Variants in LACTB2 observed in about 807,000 individuals in gnomAD.
LACTB2 encodes the protein endoribonuclease LACTB2.
LACTB2 carries 32 observed loss-of-function variants against 34.8 expected under a neutral mutation model. The observed-to-expected ratio is 0.92, with a 90% CI of 0.69 to 1.24. The LOEUF is 1.24. LACTB2 is among the 50% of genes most tolerant of loss of function. LACTB2 has a pLI of 0.00. For synonymous variants in LACTB2, 120 were observed against 117.5 expected, an observed-to-expected ratio of 1.02 and a Z score of -0.14; for missense variants, 320 against 345.0, an observed-to-expected ratio of 0.93 and a Z score of 0.57.
intron 4 of LACTB2, among the ~76,000 whole-genome samples, chr8:70,641,498 T>G (rs1020351747): frequency 2.6e-5 from 4 of 152,160 alleles, no homozygotes; most frequent in African/African-American, 9.7e-5. Context: ...GGGTAAATAA[T>G]CCGTCCACAG....
intron 2 of LACTB2, among the ~76,000 whole-genome samples, chr8:70,659,629 T>C (rs1001617656): frequency 6.6e-6 from 1 of 152,244 alleles, no homozygotes; most frequent in South Asian, 2.1e-4. Flanking sequence ...GTTTTGTTTA[T>C]AAGCTGTATA....
intron 1 of LACTB2, among the ~76,000 whole-genome samples, chr8:70,667,250 A>G (rs909770095): frequency 6.6e-6 from 1 of 152,200 alleles, no homozygotes; most frequent in Non-Finnish European, 1.5e-5. Context: ...TTCAAGGAAG[A>G]TGAGAACAGA....
In LACTB2 at chr8:70,661,762, T is replaced by C. The variant is rs1818483297; in HGVS notation, c.258A>G (p.Ile86Met). 2 of 1,612,596 alleles carry C rather than the reference T, an allele frequency of 1.2e-6. No homozygotes were observed. Among genetic ancestry groups the C allele is most frequent in the Non-Finnish European group, 1.7e-6 (2 of 1,179,714 alleles). The change falls in exon 2 of 7, where the codon ATA (isoleucine) becomes ATG (methionine). Residue 86 changes from isoleucine to methionine, a missense_variant. Physicochemically the swap from Ile to Met is conservative, Grantham distance 10. Transcript: ENST00000276590. ...TATTGATGCTTTTACAAATATCTCC[T>C]ATGCCTCCAGAATGATCTCGGTGCC... is the stretch of plus-strand genomic sequence containing the variant. ...THWHRDHSGG[I>M]GDICKSINND...
intron 3 of LACTB2, among the ~76,000 whole-genome samples, chr8:70,650,995 T>TA (rs1468192773): frequency 6.6e-6 from 1 of 151,982 alleles, no homozygotes; most frequent in Non-Finnish European, 1.5e-5. Context: ...TTCATCTCCC[T>TA]AGACAGTGAA....
At chr8:70,667,796 A>G (rs1818552268) in intron 1 of LACTB2, among the ~76,000 whole-genome samples, 1 of 152,198 alleles carries the variant, frequency 6.6e-6, no homozygotes, top group Non-Finnish European at 1.5e-5. Flanking sequence ...CAATACACTG[A>G]TCTCCAACAT....
At chr8:70,655,605 G>A (rs1457854847) in intron 3 of LACTB2, among the ~76,000 whole-genome samples, 1 of 152,156 alleles carries the variant, frequency 6.6e-6, no homozygotes, top group Admixed American at 6.5e-5. Flanking sequence ...TTGATGGATG[G>A]GCATTTGAGT....
intron 5 of LACTB2, among the ~76,000 whole-genome samples, chr8:70,639,380 G>A (rs1038767925): frequency 1.3e-5 from 2 of 150,222 alleles, no homozygotes; most frequent in Non-Finnish European, 3.0e-5. Flanking sequence ...GACTGGTCTC[G>A]AACTCCTGAC....
rs777193899 is a variant in LACTB2 at position 70,668,951 on chromosome 8, C to T, written c.122+48G>A. On this transcript the variant is annotated intron_variant, in intron 1 of 6. Coordinates refer to ENST00000276590, the MANE Select transcript of LACTB2 (RefSeq NM_016027.3). ...CAGCCGCGATCAGTCAAAGCCCGGG[C>T]TCCGGGGCCGGCTGCGAACGTTGGG... 1.9e-6 allele frequency: 3 copies of T among 1,551,680 alleles called. 1 individual carries two copies. In the Middle Eastern group the frequency reaches 6.1e-4, roughly 313 times the overall value.
intron 4 of LACTB2, among the ~76,000 whole-genome samples, chr8:70,641,487 A>G (rs1299832750): frequency 6.6e-6 from 1 of 152,198 alleles, no homozygotes; most frequent in African/African-American, 2.4e-5. Context: ...AGACATACGG[A>G]GGGTAAATAA....
At chr8:70,648,300 A>G (rs900204306) in intron 3 of LACTB2, among the ~76,000 whole-genome samples, 3 of 152,248 alleles carry the variant, frequency 2.0e-5, no homozygotes, top group Non-Finnish European at 4.4e-5. Flanking sequence ...TGTTGAAGAC[A>G]GCGCATAAAA....
Position 70,637,660 on chromosome 8 carries a change from A to G in LACTB2, c.*200T>C, listed in dbSNP as rs1818140062. 1 of 346,980 alleles carries G rather than the reference A, an allele frequency of 2.9e-6. No homozygotes were observed. 21.5% of individuals were successfully genotyped at this position (346,980 alleles called of 1,614,324 possible). The stretch of plus-strand genomic sequence containing the variant: ...TGAATTTTTGGTAAAACGTTAGAAG[A>G]CAAGGTTAGAGAAATAACCTATCAT... On this transcript the variant is annotated 3_prime_UTR_variant, in exon 7 of 7. Coordinates refer to ENST00000276590, the MANE Select transcript of LACTB2 (RefSeq NM_016027.3).
intron 1 of LACTB2, among the ~76,000 whole-genome samples, chr8:70,668,719 A>G (rs1818571854): frequency 1.3e-5 from 2 of 151,442 alleles, no homozygotes; most frequent in Non-Finnish European, 1.5e-5. Flanking sequence ...TCAAACATCA[A>G]GAACAGTAAA....
intron 4 of LACTB2, 79 bp from the exon 5 acceptor site, chr8:70,641,129 TA>T: frequency 8.1e-7 from 1 of 1,237,388 alleles, no homozygotes; most frequent in South Asian, 1.6e-5. Flanking sequence ...TCACTCTATT[TA>T]AAAATAATTC....
intron 2 of LACTB2, chr8:70,660,726 T>G (rs1387338206): frequency 2.2e-6 from 1 of 456,278 alleles, no homozygotes; most frequent in South Asian, 1.5e-5. Context: ...CACTTTACGC[T>G]CTCTTCCCTT....
chr8:70,659,125 G>A (rs966053135), intron 2 of LACTB2, among the ~76,000 whole-genome samples: 1 of 152,228 alleles, frequency 6.6e-6, no homozygotes, highest in Admixed American at 6.5e-5. Flanking sequence ...GAAGAGTGGA[G>A]ATAAAGTTGG....
chr8:70,658,459 A>G (rs891514603), intron 2 of LACTB2, among the ~76,000 whole-genome samples: 26 of 152,196 alleles, frequency 1.7e-4, no homozygotes, highest in African/African-American at 6.3e-4. Flanking sequence ...ACTAACCAGT[A>G]TACTAGGTAT....
At chr8:70,645,085 C>G (rs1476416594) in intron 3 of LACTB2, among the ~76,000 whole-genome samples, 3 of 151,880 alleles carry the variant, frequency 2.0e-5, no homozygotes, top group Non-Finnish European at 4.4e-5. Flanking sequence ...CACATATACA[C>G]ATATATACAT....
chr8:70,656,760 T>C (rs1046842427), intron 3 of LACTB2, among the ~76,000 whole-genome samples: 3 of 152,194 alleles, frequency 2.0e-5, no homozygotes, highest in Non-Finnish European at 4.4e-5. Context: ...AATTTGTAGA[T>C]TGCTTTTGCC....
intron 2 of LACTB2, chr8:70,660,655 C>G (rs1263958488): frequency 4.4e-6 from 2 of 456,290 alleles, no homozygotes; most frequent in Non-Finnish European, 8.8e-6. Context: ...TGCAGGCCTT[C>G]CTGCCAGGAG....
Sources: allele counts gnomAD v4.1 joint callset (sites outside exome capture counted in the v4.1 genomes callset), GRCh38; gene constraint gnomAD v4.1.1; transcripts MANE v1.5; gene names NCBI Gene and HGNC (gene_info 2026-07-23, HGNC 2026-07-21).